USH1C: variants seen among roughly 807,000 people sequenced by gnomAD.
USH1C encodes the protein harmonin.
In USH1C, 90 loss-of-function variants were observed where a neutral mutation model predicts 119.3. The observed-to-expected ratio is 0.75, with a 90% CI of 0.64 to 0.90. USH1C has a LOEUF of 0.90. Ranked by LOEUF, USH1C falls within the 40% of genes least tolerant of loss-of-function variation. The probability of loss-of-function intolerance (pLI) is 0.00; values close to 1 mark genes in which losing one functional copy is unlikely to be tolerated. For missense variants in USH1C, 1,165 were observed against 1,167.7 expected (o/e 1.00, Z 0.03); for synonymous variants, 465 against 443.3 (o/e 1.05, Z -0.62).
intron 18 of USH1C, among the ~76,000 whole-genome samples, chr11:17,506,693 C>T (rs1028831858): frequency 4.6e-5 from 7 of 152,244 alleles, no homozygotes; most frequent in Admixed American, 3.3e-4. Flanking sequence ...GCTCTTCCTT[C>T]TTCCGCTTTG....
chr11:17,520,847 T>A, intron 14 of USH1C, 23 bp downstream of exon 14: 1 of 1,613,990 alleles, frequency 6.2e-7, no homozygotes, highest in Non-Finnish European at 8.5e-7. Flanking sequence ...CCTTAGCCTC[T>A]CCCCTCGGCT....
intron 8 of USH1C, among the ~76,000 whole-genome samples, chr11:17,524,845 A>G (rs1850587608): frequency 6.6e-6 from 1 of 150,602 alleles, no homozygotes; most frequent in African/African-American, 2.5e-5. Context: ...AGATCCTCTT[A>G]TTTTTTTAAA....
chr11:17,521,726 A>C (rs1006933882), intron 12 of USH1C, among the ~76,000 whole-genome samples: 1 of 152,166 alleles, frequency 6.6e-6, no homozygotes, highest in South Asian at 2.1e-4. Context: ...CGGGGCCTGG[A>C]CTGACCCCAG....
intron 1 of USH1C, among the ~76,000 whole-genome samples, chr11:17,537,329 C>T (rs562018355): frequency 6.6e-6 from 1 of 152,218 alleles, no homozygotes; most frequent in Admixed American, 6.5e-5. Context: ...TACTCAGGTA[C>T]ATACGAAGCA....
Position 17,497,438 on chromosome 11 carries a change from C to T in USH1C, c.2491-625G>A, listed in dbSNP as rs1034848422. Among the ~76,000 whole-genome samples, 9 of 152,286 alleles carry T rather than the reference C, an allele frequency of 5.9e-5. No individual in the cohort carries two copies. The South Asian group carries it at 1.9e-3, about 32-fold the overall frequency. ...TTCCCTCCATCCAATCCAGGTCTTCCCTCAAGAATCAGAGAGAACACTTCT... is the reference window on the plus strand; with the variant it reads ...TTCCCTCCATCCAATCCAGGTCTTCTCTCAAGAATCAGAGAGAACACTTCT... On this transcript the variant is annotated intron_variant, in intron 24 of 26. Transcript: ENST00000005226.
chr11:17,535,793 C>T (rs879557554), intron 1 of USH1C, among the ~76,000 whole-genome samples: 3 of 152,156 alleles, frequency 2.0e-5, no homozygotes, highest in Admixed American at 2.0e-4. Context: ...GGGCAATATT[C>T]TCACATAATG....
chr11:17,509,019 T>C (rs1285089681), intron 18 of USH1C, among the ~76,000 whole-genome samples: 1 of 152,194 alleles, frequency 6.6e-6, no homozygotes, highest in Non-Finnish European at 1.5e-5. Flanking sequence ...GTGCTGGCTA[T>C]TCATTAACAT....
chr11:17,500,985 T>C (rs1299666018), intron 23 of USH1C, 66 bp downstream of exon 23: 7 of 1,422,546 alleles, frequency 4.9e-6, no homozygotes, highest in Non-Finnish European at 6.8e-6. Flanking sequence ...CCTGTTTGCT[T>C]TCCGGGAGGG....
Position 17,495,640 on chromosome 11 carries a change from G to A in USH1C, c.2584C>T (p.Pro862Ser). The change falls in exon 26 of 27, where the codon CCG becomes TCG. Residue 862 changes from proline (P) to serine (S), a missense_variant. Transcript: ENST00000005226. Reference protein sequence around the residue: ...LPSSVAESPQPVRKLLEDRAA... With the variant: ...LPSSVAESPQSVRKLLEDRAA... ...CGGTCTTCAAGGAGCTTTCGGACCG[G>A]TTGGGGGCTTTCAGCTACGGAGGAG... 2 of 1,614,252 alleles carry A rather than the reference G, an allele frequency of 1.2e-6. No homozygotes were observed. The highest frequency in any genetic ancestry group is 1.7e-6 in the Non-Finnish European group (2 of 1,180,048).
At chr11:17,516,386 G>A (rs888576833) in intron 14 of USH1C, 96 bp from the exon 15 acceptor site, 143 of 1,214,146 alleles carry the variant, frequency 1.2e-4, no homozygotes, top group Non-Finnish European at 1.6e-4. Context: ...AGGAATGCAT[G>A]ACTTTGTGAG....
At chr11:17,511,621 A>AC (rs931575570) in intron 16 of USH1C, among the ~76,000 whole-genome samples, 17 of 151,790 alleles carry the variant, frequency 1.1e-4, no homozygotes, top group African/African-American at 3.9e-4. Context: ...TCAGACTCAC[A>AC]CCCCCCGACC....
Position 17,522,768 on chromosome 11 carries a change from G to C in USH1C, c.1019+16C>G. The C allele has an allele frequency of 1.2e-6, 2 of 1,613,800 alleles. No homozygotes were observed. The highest frequency in any genetic ancestry group is 1.7e-6 in the Non-Finnish European group (2 of 1,179,974). On this transcript the variant is annotated intron_variant, in intron 12 of 26. Transcript: ENST00000005226. ...GTGGGAGGCGGGACAGGGCATCCAG[G>C]GCTGGCTGCACTCACTGCCGCTCCA...
At chr11:17,516,914 A>G (rs1026067989) in intron 14 of USH1C, among the ~76,000 whole-genome samples, 23 of 152,266 alleles carry the variant, frequency 1.5e-4, no homozygotes, top group African/African-American at 5.5e-4. Flanking sequence ...TAGCCAGTGC[A>G]CCAGCCCCCT....
chr11:17,526,950 C>A, intron 6 of USH1C, 66 bp downstream of exon 6: 1 of 1,564,790 alleles, frequency 6.4e-7, no homozygotes, highest in Non-Finnish European at 8.7e-7. Context: ...GGAGCCGGAC[C>A]CCAGGGCTGT....
In USH1C at chr11:17,531,085, T is replaced by A; in HGVS notation, c.387+69A>T. 1.2e-6 allele frequency: 2 copies of A among 1,610,216 alleles called. No homozygotes were observed. The highest frequency in any genetic ancestry group is 1.7e-6 in the Non-Finnish European group (2 of 1,178,750). On this transcript the variant is annotated intron_variant, in intron 4 of 26. Transcript: ENST00000005226. The surrounding 1 kb of genome is among the most constrained non-coding windows in gnomAD (Gnocchi z 4.2). ...GACCATGTTGTGCCACACAGCCTAG[T>A]GGATGAATGAGGGGGAGGCAGGAGG...
intron 1 of USH1C, among the ~76,000 whole-genome samples, chr11:17,538,142 C>T (rs750113266): frequency 2.6e-5 from 4 of 152,234 alleles, no homozygotes; most frequent in Non-Finnish European, 5.9e-5. Flanking sequence ...AAGGAGCCCA[C>T]CATCTACAAA....
chr11:17,533,349 GCTCCA>G (rs772628186), intron 1 of USH1C, 27 bp from the exon 2 acceptor site: 1 of 1,560,404 alleles, frequency 6.4e-7, no homozygotes, highest in Non-Finnish European at 8.8e-7. Flanking sequence ...CAGAATCACA[GCTCCA>G]GGCTCAGCAC....
chr11:17,496,434 C>T (rs1849251415), intron 25 of USH1C, among the ~76,000 whole-genome samples: 1 of 152,164 alleles, frequency 6.6e-6, no homozygotes, highest in Non-Finnish European at 1.5e-5. Flanking sequence ...AATAATGGGG[C>T]AGGGGATAAA....
At chr11:17,507,260 C>T (rs1035256745) in intron 18 of USH1C, among the ~76,000 whole-genome samples, 2 of 152,214 alleles carry the variant, frequency 1.3e-5, no homozygotes, top group African/African-American at 4.8e-5. Flanking sequence ...AAGCAACAGC[C>T]CCCTGGCTTT....
Sources: gnomAD v4.1 joint callset for allele counts (sites outside exome capture counted in the v4.1 genomes callset) on GRCh38, gnomAD v4.1.1 for gene constraint, Gnocchi (gnomAD v3.1) non-coding constraint, MANE v1.5 for transcripts, NCBI Gene and HGNC (gene_info 2026-07-23, HGNC 2026-07-21) for gene names.